SLC27A1: variants seen among roughly 807,000 people sequenced by gnomAD.
The protein encoded by SLC27A1 is solute carrier family 27 member 1.
In SLC27A1, 61 loss-of-function variants were observed where a neutral mutation model predicts 62.2. That is an observed-to-expected ratio of 0.98 (90% confidence interval 0.80 to 1.21). The LOEUF (loss-of-function observed/expected upper bound fraction) is 1.21. Among genes scored for constraint, SLC27A1 ranks in the 50% most tolerant of loss-of-function variants. SLC27A1 has a pLI of 0.00. For missense variants in SLC27A1, 903 were observed against 932.1 expected (o/e 0.97, Z 0.41); for synonymous variants, 435 against 408.6 (o/e 1.06, Z -0.78).
Position 17,497,549 on chromosome 19 carries a change from A to T in SLC27A1, c.1206+85A>T, listed in dbSNP as rs763906206. 4.7e-6 allele frequency: 6 copies of T among 1,264,646 alleles called. No homozygotes were observed. The South Asian group carries it at 7.7e-5, about 16-fold the overall frequency. The allele number at this position is 1,264,646 out of a possible 1,614,324, so 78.3% of individuals were successfully genotyped here. On this transcript the variant is annotated intron_variant, in intron 7 of 11. Coordinates refer to ENST00000252595, the MANE Select transcript of SLC27A1 (RefSeq NM_198580.3). ...CTTCCTGGGGCCCCTGGGATACATA[A>T]AACAGCCTGGACTGGCGCGGAAGGC... is the stretch of plus-strand genomic sequence containing the variant.
At chr19:17,479,696 T>G (rs1488852106) in intron 1 of SLC27A1, among the ~76,000 whole-genome samples, 1 of 152,170 alleles carries the variant, frequency 6.6e-6, no homozygotes, top group Non-Finnish European at 1.5e-5. Flanking sequence ...TCAGCTGGAG[T>G]GCAGTGGTGC....
intron 7 of SLC27A1, 91 bp downstream of exon 7, chr19:17,497,555 C>A: frequency 2.5e-6 from 3 of 1,207,558 alleles, no homozygotes; most frequent in Non-Finnish European, 2.4e-6. Context: ...CATAAAACAG[C>A]CTGGACTGGC....
chr19:17,480,492 T>A (rs1415295135), intron 1 of SLC27A1, among the ~76,000 whole-genome samples: 1 of 150,994 alleles, frequency 6.6e-6, no homozygotes, highest in Non-Finnish European at 1.5e-5. Flanking sequence ...TGTCTCATCC[T>A]CCTGAGTAGC....
intron 1 of SLC27A1, among the ~76,000 whole-genome samples, chr19:17,471,048 G>C (rs1364786975): frequency 6.6e-6 from 1 of 151,132 alleles, no homozygotes; most frequent in African/African-American, 2.4e-5. Context: ...AAATTCCAGG[G>C]AGCTGGGGCT....
rs761467291 is a variant in SLC27A1 at position 17,489,128 on chromosome 19, G to A, written c.996+11G>A. 1 of 1,612,180 alleles carries A rather than the reference G, an allele frequency of 6.2e-7. No individual in the cohort carries two copies. The highest frequency in any genetic ancestry group is 8.5e-7 in the Non-Finnish European group (1 of 1,178,866). On this transcript the variant is annotated intron_variant, in intron 6 of 11. Coordinates refer to ENST00000252595, the MANE Select transcript of SLC27A1 (RefSeq NM_198580.3). ...AAGTACAACTGCACGGTCAGGCCCTGCCCTGTTCTGTCTAGACCCCGCCCC... is the reference window on the plus strand; with the variant it reads ...AAGTACAACTGCACGGTCAGGCCCTACCCTGTTCTGTCTAGACCCCGCCCC...
chr19:17,498,850 CAGAGAGAG>C (rs1002948548), intron 7 of SLC27A1: 2 of 155,538 alleles, frequency 1.3e-5, no homozygotes, highest in African/African-American at 4.8e-5. Context: ...GAGGCAGAGG[CAGAGAGAG>C]GGAGAGAGAG....
In SLC27A1 at chr19:17,497,306, C is replaced by T. The variant is rs778973140; in HGVS notation, c.1048C>T (p.Arg350Cys). The T allele has an allele frequency of 1.1e-5, 18 of 1,605,780 alleles. 1 individual carries two copies. In the Admixed American group the frequency reaches 2.6e-4, roughly 23 times the overall value. Residue 350 changes from arginine to cysteine, a missense_variant, in exon 7 of 12, where the codon CGC becomes TGC. Coordinates refer to ENST00000252595, the MANE Select transcript of SLC27A1 (RefSeq NM_198580.3). Reference protein sequence around the residue: ...ICRYLLKQPVREAERRHRVRL... With the variant: ...ICRYLLKQPVCEAERRHRVRL... ...CCGCTACCTGCTGAAGCAGCCGGTGCGCGAGGCGGAGAGGCGACACCGCGT... is the reference window on the plus strand; with the variant it reads ...CCGCTACCTGCTGAAGCAGCCGGTGTGCGAGGCGGAGAGGCGACACCGCGT...
intron 1 of SLC27A1, among the ~76,000 whole-genome samples, chr19:17,477,887 A>G (rs1474576897): frequency 6.6e-6 from 1 of 151,874 alleles, no homozygotes; most frequent in Non-Finnish European, 1.5e-5. Context: ...TTAAAAAATT[A>G]TTTTAACATA....
rs199913865 is a variant in SLC27A1, at chr19:17,487,206, A to T, written c.595A>T (p.Ser199Cys). The T allele has an allele frequency of 6.2e-7, 1 of 1,614,068 alleles. No individual in the cohort carries two copies. The highest frequency in any genetic ancestry group is 1.3e-5 in the African/African-American group (1 of 75,028). The change falls in exon 3 of 12, where the codon AGT becomes TGT. Residue 199 changes from serine to cysteine, a missense_variant. By Grantham distance (112) the Ser-to-Cys change is moderately radical. Coordinates refer to ENST00000252595, the MANE Select transcript of SLC27A1 (RefSeq NM_198580.3). ...CGAAGTGAGCGGGCATCTGGGGAAA[A>T]GTTTGATCAAGTTCTGCTCTGGAGA... ...VAEVSGHLGKSLIKFCSGDLG... is the reference protein window; with the variant it reads ...VAEVSGHLGKCLIKFCSGDLG...
At chr19:17,472,104 C>T (rs1014110799) in intron 1 of SLC27A1, among the ~76,000 whole-genome samples, 10 of 152,200 alleles carry the variant, frequency 6.6e-5, no homozygotes, top group Non-Finnish European at 1.3e-4. Context: ...TTAGAATTGA[C>T]GCCATACTGG....
At position 17,486,549 on chromosome 19, in the gene SLC27A1, G is replaced by A. The variant is rs771569955; in HGVS notation, c.168-14G>A. 5 of 1,563,288 alleles carry A rather than the reference G, an allele frequency of 3.2e-6. No homozygotes were observed. The highest frequency in any genetic ancestry group is 4.3e-6 in the Non-Finnish European group (5 of 1,161,252). On this transcript the variant is annotated splice_polypyrimidine_tract_variant and intron_variant, in intron 1 of 11. Coordinates refer to ENST00000252595, the MANE Select transcript of SLC27A1 (RefSeq NM_198580.3). The surrounding 1 kb of genome is among the most constrained non-coding windows in gnomAD (Gnocchi z 6.6). ...GGGCACCAGTGACGCTGTCCCCTCC[G>A]TCCTCCCTCCCAGCGGTCTCTCTGT...
intron 1 of SLC27A1, among the ~76,000 whole-genome samples, chr19:17,480,541 C>CT (rs3079223): frequency 0.029 from 3,272 of 111,682 alleles, 232 homozygotes; most frequent in African/African-American, 0.1. Flanking sequence ...TAATTTTTTT[C>CT]TTTTTTTTTT....
In SLC27A1 at chr19:17,500,302, C is replaced by T. The variant is rs369076953; in HGVS notation, c.1231C>T (p.Arg411Cys). Residue 411 changes from arginine (R) to cysteine (C), a missense_variant, in exon 8 of 12, where the codon CGC becomes TGC. Coordinates refer to ENST00000252595, the MANE Select transcript of SLC27A1 (RefSeq NM_198580.3). ...GGTCGGCTCCTGTGGTTTCAACAGC[C>T]GCATCCTGCCCCACGTGTACCCCAT... is the stretch of plus-strand genomic sequence containing the variant. ...GKVGSCGFNSRILPHVYPIRL... is the reference protein window; with the variant it reads ...GKVGSCGFNSCILPHVYPIRL... 1.9e-5 allele frequency: 30 copies of T among 1,614,074 alleles called. No individual in the cohort carries two copies. The highest frequency in any genetic ancestry group is 4.0e-5 in the African/African-American group (3 of 74,942).
chr19:17,480,409 C>T (rs1475887243), intron 1 of SLC27A1, among the ~76,000 whole-genome samples: 1 of 151,664 alleles, frequency 6.6e-6, no homozygotes, highest in African/African-American at 2.4e-5. Context: ...TTTACTCTGT[C>T]ACCCAGGCTC....
intron 1 of SLC27A1, among the ~76,000 whole-genome samples, chr19:17,475,039 C>G (rs555576160): frequency 4.6e-5 from 7 of 151,860 alleles, no homozygotes; most frequent in Non-Finnish European, 8.8e-5. Flanking sequence ...CTCAGCCTCC[C>G]GAGTAGCTGG....
intron 1 of SLC27A1, among the ~76,000 whole-genome samples, chr19:17,479,416 G>A (rs1055744638): frequency 4.6e-5 from 7 of 152,040 alleles, no homozygotes; most frequent in Admixed American, 1.3e-4. Flanking sequence ...AGCCTGCAGC[G>A]GGGGGCCCCA....
chr19:17,497,671 T>C, intron 7 of SLC27A1: 2 of 622,958 alleles, frequency 3.2e-6, no homozygotes, highest in Non-Finnish European at 5.7e-6. Context: ...CAGATAGTCA[T>C]GTGACTGTGG....
intron 10 of SLC27A1, 119 bp downstream of exon 10, chr19:17,500,995 G>T: frequency 8.2e-7 from 1 of 1,219,866 alleles, no homozygotes. Context: ...GCTCATGGCA[G>T]CCCAGGAGGA....
At chr19:17,492,631 A>AG (rs1286331387) in intron 6 of SLC27A1, among the ~76,000 whole-genome samples, 142 of 150,054 alleles carry the variant, frequency 9.5e-4, no homozygotes, top group African/African-American at 2.1e-3. Context: ...AAAAAAAAAA[A>AG]AAAAGAAAAA....
Sources: gnomAD v4.1 joint callset for allele counts (sites outside exome capture counted in the v4.1 genomes callset) on GRCh38, gnomAD v4.1.1 for gene constraint, Gnocchi (gnomAD v3.1) non-coding constraint, MANE v1.5 for transcripts, NCBI Gene and HGNC (gene_info 2026-07-23, HGNC 2026-07-21) for gene names.